DNAH3: variants seen among roughly 807,000 people sequenced by gnomAD.
DNAH3 encodes the protein dynein axonemal heavy chain 3.
In DNAH3, 332 loss-of-function variants were observed where a neutral mutation model predicts 432.5. The ratio of observed to expected loss-of-function variants is 0.77; its 90% confidence interval spans 0.70 to 0.84. The LOEUF (loss-of-function observed/expected upper bound fraction) is 0.84. Among genes scored for constraint, DNAH3 ranks in the 40% least tolerant of loss-of-function variants. The pLI, the probability that DNAH3 is intolerant of heterozygous loss-of-function variation, is 0.00. For missense variants in DNAH3, 4,861 were observed against 5,114.0 expected, an observed-to-expected ratio of 0.95 and a Z score of 1.51; for synonymous variants, 1,956 against 1,900.2, an observed-to-expected ratio of 1.03 and a Z score of -0.76.
rs539346510 is a variant in DNAH3, at chr16:20,999,028, G to A, written c.6421+1196C>T. Among the ~76,000 whole-genome samples the A allele has an allele frequency of 8.5e-5, 13 of 152,234 alleles. No individual in the cohort carries two copies. The South Asian group carries it at 2.3e-3, about 27-fold the overall frequency. Reference sequence around the variant, plus strand: ...TCCCAACACTTTGGGAGGCCAAGGCGGGAAGATCACTTGAGGCCAGGAGTT... The same window carrying A: ...TCCCAACACTTTGGGAGGCCAAGGCAGGAAGATCACTTGAGGCCAGGAGTT... On this transcript the variant is annotated intron_variant, in intron 43 of 61. Coordinates refer to ENST00000261383, the Ensembl canonical transcript of DNAH3.
At chr16:20,946,529 T>C (rs2084051277) in intron 57 of DNAH3, among the ~76,000 whole-genome samples, 1 of 152,222 alleles carries the variant, frequency 6.6e-6, no homozygotes, top group African/African-American at 2.4e-5. Flanking sequence ...TATAAATCTC[T>C]TCAAATATTT....
chr16:21,158,666 C>G (rs964808306), intron 1 of DNAH3: 2 of 152,876 alleles, frequency 1.3e-5, no homozygotes, highest in African/African-American at 4.8e-5. Flanking sequence ...GACGCTCTTT[C>G]CTTCTTCCTC....
In DNAH3 at chr16:21,052,055, G is replaced by A. The variant is rs533827076; in HGVS notation, c.4040-187C>T. Among the ~76,000 whole-genome samples, 45 of 152,118 alleles carry A rather than the reference G, an allele frequency of 3.0e-4. 1 individual carries two copies. Among genetic ancestry groups the A allele is most frequent in the Middle Eastern group, 6.8e-3 (2 of 294 alleles). ...CCCCCATTCTGGAGTGCAATGGCGC[G>A]ATCTCGGCTCATTGCAACCTCTGCC... On this transcript the variant is annotated intron_variant, in intron 28 of 61. Transcript: ENST00000261383.
At chr16:21,038,361 A>T (rs1056713311) in intron 33 of DNAH3, among the ~76,000 whole-genome samples, 3 of 152,076 alleles carry the variant, frequency 2.0e-5, no homozygotes, top group Non-Finnish European at 4.4e-5. Flanking sequence ...CAGAAAAATT[A>T]AAAAATGAGC....
rs534278293 is a variant in DNAH3 at position 20,950,148 on chromosome 16, C to T, written c.11189-1511G>A. Reference sequence around the variant, plus strand: ...TGGGTGCAAGCCACTGTGTCCAGCTCCAGGCGCACTTCTTTGGAGATGTTC... The same window carrying T: ...TGGGTGCAAGCCACTGTGTCCAGCTTCAGGCGCACTTCTTTGGAGATGTTC... On this transcript the variant is annotated intron_variant, in intron 56 of 61. Transcript: ENST00000261383. 2.0e-5 allele frequency among the ~76,000 whole-genome samples: 3 copies of T among 152,280 alleles called. No homozygotes were observed. The South Asian group carries it at 6.2e-4, about 32-fold the overall frequency.
intron 33 of DNAH3, among the ~76,000 whole-genome samples, chr16:21,038,238 T>C (rs1210304540): frequency 6.6e-6 from 1 of 152,192 alleles, no homozygotes; most frequent in Non-Finnish European, 1.5e-5. Context: ...CAGTGGCTCA[T>C]GCCTGTGATC....
chr16:21,037,272 G>A (rs2089219450), intron 34 of DNAH3, among the ~76,000 whole-genome samples: 1 of 152,126 alleles, frequency 6.6e-6, no homozygotes, highest in South Asian at 2.1e-4. Flanking sequence ...TCATGCCACT[G>A]CACTCTAGCC....
chr16:21,081,636 T>C (rs1375074110), exon 20 of DNAH3: 1 of 1,613,422 alleles, frequency 6.2e-7, no homozygotes, highest in Non-Finnish European at 8.5e-7. Context: ...AAGCCCTTAC[T>C]TTTCAACGAA....
exon 49 of DNAH3, chr16:20,982,744 C>T (rs1350454144): frequency 1.2e-6 from 2 of 1,614,026 alleles, no homozygotes; most frequent in African/African-American, 2.7e-5. Context: ...TGTCATCAAG[C>T]TCCACATCCT....
chr16:20,987,216 C>CA, intron 47 of DNAH3, 89 bp downstream of exon 47: 1 of 1,526,628 alleles, frequency 6.6e-7, no homozygotes, highest in South Asian at 1.2e-5. Flanking sequence ...TGGCAGTCTC[C>CA]AACAGGAAGG....
At chr16:21,079,792 C>G (rs1001542567) in intron 20 of DNAH3, among the ~76,000 whole-genome samples, 12 of 152,152 alleles carry the variant, frequency 7.9e-5, no homozygotes, top group African/African-American at 2.9e-4. Flanking sequence ...TATCCTAAAC[C>G]TGATAAAAAA....
chr16:20,976,896 G>C (rs1021371068), intron 50 of DNAH3, among the ~76,000 whole-genome samples: 1 of 152,190 alleles, frequency 6.6e-6, no homozygotes, highest in African/African-American at 2.4e-5. Context: ...AGAACTATGA[G>C]AAGTAAACGT....
chr16:21,104,647 A>G, intron 15 of DNAH3, 53 bp from the exon 16 acceptor site: 5 of 1,073,778 alleles, frequency 4.7e-6, no homozygotes, highest in Non-Finnish European at 7.2e-6. Context: ...AGGTCGGGTC[A>G]GCATGTGGCG....
chr16:21,053,961 G>A (rs1418715326), intron 28 of DNAH3, among the ~76,000 whole-genome samples: 1 of 152,078 alleles, frequency 6.6e-6, no homozygotes, highest in Non-Finnish European at 1.5e-5. Flanking sequence ...GACAGACATA[G>A]GCGATTCTGT....
At chr16:21,098,634 C>A in exon 17 of DNAH3, 1 of 1,613,014 alleles carries the variant, frequency 6.2e-7, no homozygotes, top group South Asian at 1.1e-5. Flanking sequence ...CTGCAAACGC[C>A]CGATTTAGGT....
exon 44 of DNAH3, chr16:20,997,306 C>T: frequency 6.2e-7 from 1 of 1,614,088 alleles, no homozygotes. Flanking sequence ...CCTTCCTCCC[C>T]CGGGGGGCCC....
intron 7 of DNAH3, among the ~76,000 whole-genome samples, chr16:21,133,112 G>A (rs1190358150): frequency 2.0e-5 from 3 of 151,988 alleles, no homozygotes; most frequent in African/African-American, 7.3e-5. Context: ...AGAACTTTGG[G>A]GTGCCGATGT....
At chr16:21,025,772 C>T (rs1009513691) in intron 38 of DNAH3, among the ~76,000 whole-genome samples, 1 of 151,802 alleles carries the variant, frequency 6.6e-6, no homozygotes, top group Non-Finnish European at 1.5e-5. Flanking sequence ...CTTGTTCTGT[C>T]GCCCAGGCTG....
chr16:20,981,850 A>C (rs902715601), intron 49 of DNAH3, among the ~76,000 whole-genome samples: 2 of 151,810 alleles, frequency 1.3e-5, no homozygotes, highest in South Asian at 2.1e-4. Context: ...GCCTTCATGG[A>C]ACATCCAGAA....
Sources: allele counts gnomAD v4.1 joint callset (sites outside exome capture counted in the v4.1 genomes callset), GRCh38; gene constraint gnomAD v4.1.1; transcripts MANE v1.5; gene names NCBI Gene and HGNC (gene_info 2026-07-23, HGNC 2026-07-21).